The following ZNF432 variants were observed in gnomAD, a reference collection of about 807,000 sequenced individuals.
ZNF432 encodes zinc finger protein 432.
In ZNF432, 10 loss-of-function variants were observed where a neutral mutation model predicts 13.9. The observed-to-expected ratio is 0.72, with a 90% CI of 0.44 to 1.22. The LOEUF is 1.22. Ranked by LOEUF, ZNF432 falls within the 50% of genes most tolerant of loss-of-function variation. The pLI, the probability that ZNF432 is intolerant of heterozygous loss-of-function variation, is 0.00. For synonymous variants in ZNF432, 247 were observed against 256.2 expected (o/e 0.96, Z 0.34); for missense variants, 793 against 796.2 (o/e 1.00, Z 0.05).
At chr19:52,039,259 TA>T (rs1179534836) in intron 4 of ZNF432, among the ~76,000 whole-genome samples, 1 of 152,130 alleles carries the variant, frequency 6.6e-6, no homozygotes, top group East Asian at 1.9e-4. Flanking sequence ...CATACGTTCC[TA>T]AAAAAGTTGT....
intron 4 of ZNF432, 152 bp from the exon 5 acceptor site, chr19:52,035,592 G>A (rs2087073845): frequency 1.6e-6 from 1 of 619,386 alleles, no homozygotes; most frequent in African/African-American, 1.9e-5. Context: ...GAGTGCAGTG[G>A]TATGATCTCA....
chr19:52,036,439 G>A (rs1305375102), intron 4 of ZNF432, among the ~76,000 whole-genome samples: 1 of 152,204 alleles, frequency 6.6e-6, no homozygotes, highest in African/African-American at 2.4e-5. Context: ...AGGAAAGTGA[G>A]GGCTCAAAGA....
rs950685289 is a variant in ZNF432, at chr19:52,047,724, C to G, written c.-192-664G>C. Among the ~76,000 whole-genome samples, 38 of 145,896 alleles carry G rather than the reference C, an allele frequency of 2.6e-4. 1 individual carries two copies. The highest frequency in any genetic ancestry group is 5.4e-4 in the Non-Finnish European group (36 of 66,554). On this transcript the variant is annotated intron_variant, in intron 1 of 4. Transcript: ENST00000221315. The stretch of plus-strand genomic sequence containing the variant: ...ACACTTCAATATGAAGAACAAGAAA[C>G]ACATAGAAAAAAAGAGGGAGACAGA...
Position 52,033,972 on chromosome 19 carries a change from A to C in ZNF432, c.1707T>G (p.Cys569Trp), listed in dbSNP as rs772854514. 7.4e-6 allele frequency: 12 copies of C among 1,613,966 alleles called. No homozygotes were observed. In the Admixed American group the frequency reaches 2.0e-4, roughly 27 times the overall value. ...AGCCTCTTCCACATTCACTACATAT[A>C]CAAGATTTCTCTTCTGTATGAATTT... ...HQQIHTEEKS[C>W]ICSECGRGFA... is the part of the protein sequence containing the mutation. Residue 569 changes from cysteine (C) to tryptophan (W), a missense_variant, in exon 5 of 5, where the codon TGT (cysteine) becomes TGG (tryptophan). Coordinates refer to ENST00000221315, the MANE Select transcript of ZNF432 (RefSeq NM_014650.4).
chr19:52,037,085 T>C (rs1454639965), intron 4 of ZNF432, among the ~76,000 whole-genome samples: 2 of 152,202 alleles, frequency 1.3e-5, no homozygotes. Context: ...GGAACCAAAC[T>C]GTGAATACAA....
In ZNF432 at chr19:52,040,550, T is replaced by C. The variant is rs2087124877; in HGVS notation, c.176A>G (p.Lys59Arg). The change falls in exon 4 of 5, where the codon AAG becomes AGG. Residue 59 changes from lysine to arginine, a missense_variant. By Grantham distance (26) the Lys-to-Arg change is conservative (BLOSUM62 2). Transcript: ENST00000221315. ...CCATGGTTCTTCTCCTCGTTCCAACTTGGAGAGTGCATCTGGTTTGCTGAC... is the reference window on the plus strand; with the variant it reads ...CCATGGTTCTTCTCCTCGTTCCAACCTGGAGAGTGCATCTGGTTTGCTGAC... Reference protein sequence around the residue: ...YQVSKPDALSKLERGEEPWTM... With the variant: ...YQVSKPDALSRLERGEEPWTM... The C allele has an allele frequency of 1.2e-6, 2 of 1,614,024 alleles. No homozygotes were observed. Among genetic ancestry groups the C allele is most frequent in the East Asian group, 2.2e-5 (1 of 44,886 alleles).
intron 4 of ZNF432, among the ~76,000 whole-genome samples, chr19:52,039,540 A>AT (rs137862984): frequency 0.078 from 11,806 of 152,250 alleles, 617 homozygotes; most frequent in Non-Finnish European, 0.12. Flanking sequence ...ATCTATAGGG[A>AT]TAAAAAGTAG....
Position 52,033,574 on chromosome 19 carries a change from A to G in ZNF432, c.*146T>C. The G allele has an allele frequency of 1.1e-6, 1 of 889,672 alleles. No individual in the cohort carries two copies. The highest frequency in any genetic ancestry group is 2.8e-5 in the Admixed American group (1 of 36,072). 55.1% of individuals were successfully genotyped at this position (889,672 alleles called of 1,614,324 possible). On this transcript the variant is annotated 3_prime_UTR_variant, in exon 5 of 5. Coordinates refer to ENST00000221315, the MANE Select transcript of ZNF432 (RefSeq NM_014650.4). The stretch of plus-strand genomic sequence containing the variant: ...TCATGTTGAAGCCTTTCTGACATTG[A>G]TAGCATTCATCCTAGTGAATAACAC...
intron 4 of ZNF432, among the ~76,000 whole-genome samples, chr19:52,035,737 T>G (rs968062366): frequency 3.9e-5 from 6 of 152,112 alleles, no homozygotes; most frequent in African/African-American, 1.2e-4. Context: ...TTCAATATGT[T>G]GGCCAGGCTG....
chr19:52,048,184 A>ACACAC lies in ZNF432; in HGVS notation c.-193+510_-193+511insGTGTG, dbSNP rs1568525403. On this transcript the variant is annotated intron_variant, in intron 1 of 4. Coordinates refer to ENST00000221315, the MANE Select transcript of ZNF432 (RefSeq NM_014650.4). ...ACACACACACACACACACACACACAAAACCAGCCAGGGCTCTTGTGAAAAG... is the reference window on the plus strand; with the variant it reads ...ACACACACACACACACACACACACAACACACAACCAGCCAGGGCTCTTGTGAAAAG... 2.5e-3 allele frequency among the ~76,000 whole-genome samples: 139 copies of ACACAC among 56,142 alleles called. 1 individual carries two copies. Among genetic ancestry groups the ACACAC allele is most frequent in the African/African-American group, 5.8e-3 (124 of 21,436 alleles). 36.8% of individuals were successfully genotyped at this position (56,142 alleles called of 152,430 possible).
intron 4 of ZNF432, 127 bp downstream of exon 4, chr19:52,040,361 G>A: frequency 1.3e-6 from 1 of 795,068 alleles, no homozygotes; most frequent in East Asian, 2.5e-5. Flanking sequence ...AGATGGGAAG[G>A]GTTTCTTGTG....
chr19:52,033,634 A>C lies in ZNF432; in HGVS notation c.*86T>G. The C allele has an allele frequency of 7.1e-7, 1 of 1,416,400 alleles. No individual in the cohort carries two copies. Among genetic ancestry groups the C allele is most frequent in the Non-Finnish European group, 9.5e-7 (1 of 1,048,232 alleles). 87.7% of individuals were successfully genotyped at this position (1,416,400 alleles called of 1,614,324 possible). On this transcript the variant is annotated 3_prime_UTR_variant, in exon 5 of 5. Coordinates refer to ENST00000221315, the MANE Select transcript of ZNF432 (RefSeq NM_014650.4). The stretch of plus-strand genomic sequence containing the variant: ...AAATATGATTTTTCATACTCAGTAC[A>C]CATGTAGAAAATCTATACTGTGAAA...
At chr19:52,039,254 G>A (rs2087111721) in intron 4 of ZNF432, among the ~76,000 whole-genome samples, 2 of 152,110 alleles carry the variant, frequency 1.3e-5, no homozygotes, top group African/African-American at 2.4e-5. Flanking sequence ...GAAAACATAC[G>A]TTCCTAAAAA....
At chr19:52,041,435 C>A in intron 3 of ZNF432, 45 bp downstream of exon 3, 1 of 1,533,536 alleles carries the variant, frequency 6.5e-7, no homozygotes, top group South Asian at 1.3e-5. Context: ...AAGCAAAGGC[C>A]ACAGACTGGG....
At chr19:52,046,717 T>A in intron 2 of ZNF432, 137 bp downstream of exon 2, 2 of 843,614 alleles carry the variant, frequency 2.4e-6, no homozygotes, top group Admixed American at 2.8e-5. Flanking sequence ...ATAAACACTA[T>A]ATTCCTGATC....
At chr19:52,042,104 AACATACATTAAATATATATGTATGCAC>A (rs2087141791) in intron 2 of ZNF432, among the ~76,000 whole-genome samples, 1 of 152,242 alleles carries the variant, frequency 6.6e-6, no homozygotes, top group Non-Finnish European at 1.5e-5. Flanking sequence ...TATTCTTGGA[AACATACATTAAATATATATGTATGCAC>A]ACATACATAT....
chr19:52,034,439 T>C lies in ZNF432; in HGVS notation c.1240A>G (p.Ser414Gly), dbSNP rs1451413573. The change falls in exon 5 of 5, where the codon AGT becomes GGT. Residue 414 changes from serine to glycine, a missense_variant. Coordinates refer to ENST00000221315, the MANE Select transcript of ZNF432 (RefSeq NM_014650.4). Reference sequence around the variant, plus strand: ...TTTCTCTGATGTACAATAAGATTACTCTTCCTGGGAAAGCCTTTTCCACAT... The same window carrying C: ...TTTCTCTGATGTACAATAAGATTACCCTTCCTGGGAAAGCCTTTTCCACAT... ...SECGKGFPRK[S>G]NLIVHQRNHT... is the part of the protein sequence containing the mutation. The C allele has an allele frequency of 6.2e-7, 1 of 1,613,996 alleles. No homozygotes were observed. Among genetic ancestry groups the C allele is most frequent in the Non-Finnish European group, 8.5e-7 (1 of 1,179,972 alleles).
intron 2 of ZNF432, among the ~76,000 whole-genome samples, chr19:52,045,733 G>T (rs1375086936): frequency 6.7e-6 from 1 of 148,640 alleles, no homozygotes; most frequent in South Asian, 2.2e-4. Context: ...AGTGGCTCAC[G>T]CCTGTAATCC....
At position 52,035,048 on chromosome 19, in the gene ZNF432, C is replaced by T. The variant is rs1474594443; in HGVS notation, c.631G>A (p.Gly211Arg). The stretch of plus-strand genomic sequence containing the variant: ...TGAGACTTCTTGACAAACGCTTTCC[C>T]ACATTCACTGCATACGTGGTTTTTT... ...IEKNHVCSEC[G>R]KAFVKKSQLT... The change falls in exon 5 of 5, where the codon GGG (glycine) becomes AGG (arginine). Residue 211 changes from glycine (G) to arginine (R), a missense_variant. Transcript: ENST00000221315. 3.1e-6 allele frequency: 5 copies of T among 1,614,164 alleles called. 1 individual carries two copies. In the South Asian group the frequency reaches 5.5e-5, roughly 18 times the overall value.
Sources: gnomAD v4.1 joint callset for allele counts (sites outside exome capture counted in the v4.1 genomes callset) on GRCh38, gnomAD v4.1.1 for gene constraint, MANE v1.5 for transcripts, NCBI Gene and HGNC (gene_info 2026-07-23, HGNC 2026-07-21) for gene names.